LRRC47: variants seen among roughly 807,000 people sequenced by gnomAD.
LRRC47 encodes the protein leucine-rich repeat-containing protein 47.
Under a neutral mutation model 40.9 loss-of-function variants are expected in LRRC47, and 31 were observed. The ratio of observed to expected loss-of-function variants is 0.76; its 90% confidence interval spans 0.57 to 1.02. The LOEUF (loss-of-function observed/expected upper bound fraction) is 1.02, where lower values mean the gene tolerates loss of function less well. Ranked by LOEUF, LRRC47 falls within the 50% of genes least tolerant of loss-of-function variation. LRRC47 has a pLI of 0.00. For missense variants in LRRC47, 726 were observed against 796.1 expected, an observed-to-expected ratio of 0.91 and a Z score of 1.06; for synonymous variants, 427 against 371.9, an observed-to-expected ratio of 1.15 and a Z score of -1.70.
chr1:3,784,813 T>C (rs920419109), intron 3 of LRRC47, among the ~76,000 whole-genome samples: 8 of 152,174 alleles, frequency 5.3e-5, no homozygotes, highest in Non-Finnish European at 1.0e-4. Context: ...CTGACCAACA[T>C]GGAGAAACCT....
In LRRC47 at chr1:3,781,056, G is replaced by A. The variant is rs201858517; in HGVS notation, c.*32C>T. On this transcript the variant is annotated 3_prime_UTR_variant, in exon 7 of 7. Transcript: ENST00000378251. ...GCCGCATAGAAACCTCCGCAAAACC[G>A]GCCAAACAAACGCGGACAGGCGGCC... The A allele has an allele frequency of 2.2e-4, 358 of 1,598,218 alleles. 1 individual carries two copies. Among genetic ancestry groups the A allele is most frequent in the Non-Finnish European group, 2.9e-4 (338 of 1,169,184 alleles).
intron 1 of LRRC47, among the ~76,000 whole-genome samples, chr1:3,791,247 C>T (rs557402666): frequency 6.6e-6 from 1 of 152,208 alleles, no homozygotes; most frequent in East Asian, 1.9e-4. Context: ...AGCGCAGAGC[C>T]GCTGCTGCTT....
chr1:3,781,072 A>G lies in LRRC47; in HGVS notation c.*16T>C. ...CGCAAAACCGGCCAAACAAACGCGG[A>G]CAGGCGGCCCTGGCGTCAGCGCACG... On this transcript the variant is annotated 3_prime_UTR_variant, in exon 7 of 7. Coordinates refer to ENST00000378251, the MANE Select transcript of LRRC47 (RefSeq NM_020710.3). 3 of 1,604,356 alleles carry G rather than the reference A, an allele frequency of 1.9e-6. No individual in the cohort carries two copies. Among genetic ancestry groups the G allele is most frequent in the Non-Finnish European group, 2.6e-6 (3 of 1,172,868 alleles).
intron 1 of LRRC47, among the ~76,000 whole-genome samples, chr1:3,787,536 G>A (rs377604250): frequency 3.3e-5 from 5 of 152,208 alleles, no homozygotes; most frequent in East Asian, 3.9e-4. Flanking sequence ...AGGAGAAGGC[G>A]TCAGCCACGG....
intron 1 of LRRC47, among the ~76,000 whole-genome samples, chr1:3,789,707 G>C (rs1375695004): frequency 6.6e-6 from 1 of 152,264 alleles, no homozygotes; most frequent in African/African-American, 2.4e-5. Flanking sequence ...AGCGGGGGAA[G>C]GAGAGCAAGA....
In LRRC47 at chr1:3,795,971, G is replaced by A; in HGVS notation, c.506C>T (p.Pro169Leu). 1 of 1,584,884 alleles carries A rather than the reference G, an allele frequency of 6.3e-7. No homozygotes were observed. Among genetic ancestry groups the A allele is most frequent in the Non-Finnish European group, 8.6e-7 (1 of 1,167,678 alleles). The change falls in exon 1 of 7, where the codon CCC (proline) becomes CTC (leucine). Residue 169 changes from proline to leucine, a missense_variant. Physicochemically the swap from Pro to Leu is moderately conservative, Grantham distance 98. Coordinates refer to ENST00000378251, the MANE Select transcript of LRRC47 (RefSeq NM_020710.3). Reference protein sequence around the residue: ...NLTGNCLDSFPAELFRPGALP... With the variant: ...NLTGNCLDSFLAELFRPGALP... ...CGCGCCGGGGCGAAAGAGCTCGGCG[G>A]GAAAGGAGTCTAGGCAATTGCCGGT...
chr1:3,786,968 G>A lies in LRRC47; in HGVS notation c.958C>T (p.Pro320Ser), dbSNP rs117206686. Residue 320 changes from proline (P) to serine (S), a missense_variant, in exon 2 of 7, where the codon CCT becomes TCT. By Grantham distance (74) the Pro-to-Ser change is moderately conservative. Coordinates refer to ENST00000378251, the MANE Select transcript of LRRC47 (RefSeq NM_020710.3). ...TCGGGGCTCACTCTGACTGTCAGAG[G>A]TACGGGGTTTTCAGAGACGTGCAGG... ...RVLHVSENPV[P>S]LTVRVSPEVR... 3 of 1,611,322 alleles carry A rather than the reference G, an allele frequency of 1.9e-6. No homozygotes were observed. The East Asian group carries it at 6.7e-5, about 36-fold the overall frequency.
chr1:3,794,406 C>G (rs960786895), intron 1 of LRRC47, among the ~76,000 whole-genome samples: 1 of 151,978 alleles, frequency 6.6e-6, no homozygotes, highest in African/African-American at 2.4e-5. Flanking sequence ...TCTGTTCAGG[C>G]TGGTATCACA....
At chr1:3,794,261 TTCTC>T (rs1231068951) in intron 1 of LRRC47, among the ~76,000 whole-genome samples, 1 of 152,142 alleles carries the variant, frequency 6.6e-6, no homozygotes, top group Middle Eastern at 3.2e-3. Flanking sequence ...GTGTAAAACT[TTCTC>T]TATTGCAACC....
chr1:3,788,552 G>T (rs940358254), intron 1 of LRRC47, among the ~76,000 whole-genome samples: 3 of 152,138 alleles, frequency 2.0e-5, no homozygotes, highest in Non-Finnish European at 4.4e-5. Flanking sequence ...CTCCTGCTTC[G>T]CCTGGAATGG....
chr1:3,782,781 C>T lies in LRRC47; in HGVS notation c.1311-18G>A, dbSNP rs1448340911. 3.6e-6 allele frequency: 5 copies of T among 1,399,146 alleles called. No individual in the cohort carries two copies. The highest frequency in any genetic ancestry group is 5.1e-6 in the Non-Finnish European group (5 of 983,898). 86.7% of individuals were successfully genotyped at this position (1,399,146 alleles called of 1,614,324 possible). On this transcript the variant is annotated intron_variant, in intron 4 of 6. Coordinates refer to ENST00000378251, the MANE Select transcript of LRRC47 (RefSeq NM_020710.3). ...GAAGGTATCTGTATGGGAAGAAATA[C>T]AAATTCCAGGCATAATTATAAAAGA...
At chr1:3,788,867 CAGTCTAAG>C (rs1220475457) in intron 1 of LRRC47, among the ~76,000 whole-genome samples, 2 of 152,174 alleles carry the variant, frequency 1.3e-5, no homozygotes, top group African/African-American at 2.4e-5. Flanking sequence ...GAGAATGGGG[CAGTCTAAG>C]CAGCAGTGAC....
At chr1:3,787,373 C>T (rs946576475) in intron 1 of LRRC47, 63 bp from the exon 2 acceptor site, 2 of 1,481,350 alleles carry the variant, frequency 1.4e-6, no homozygotes, top group African/African-American at 2.8e-5. Context: ...CAAGGTCATG[C>T]TCGAGAGGCA....
In LRRC47 at chr1:3,792,173, T is replaced by C. The variant is rs112182443; in HGVS notation, c.615+3689A>G. ...CGAAATTCCAATGTGCGTAGCTACA[T>C]TGCTGGGCATAGTTCTGGTAGCCAT... On this transcript the variant is annotated intron_variant, in intron 1 of 6. Coordinates refer to ENST00000378251, the MANE Select transcript of LRRC47 (RefSeq NM_020710.3). 5.3e-3 allele frequency among the ~76,000 whole-genome samples: 808 copies of C among 152,326 alleles called. 5 individuals are homozygous for C. Among genetic ancestry groups the C allele is most frequent in the African/African-American group, 0.018 (765 of 41,568 alleles).
chr1:3,792,113 C>A (rs1034362097), intron 1 of LRRC47, among the ~76,000 whole-genome samples: 14 of 152,194 alleles, frequency 9.2e-5, no homozygotes, highest in African/African-American at 3.4e-4. Context: ...CCCCACAGCA[C>A]CAGGAAGGAC....
At chr1:3,781,374 A>T (rs765793168) in intron 6 of LRRC47, 38 bp from the exon 7 acceptor site, 2 of 1,600,860 alleles carry the variant, frequency 1.2e-6, no homozygotes, top group South Asian at 2.2e-5. Flanking sequence ...TGGAGATGAG[A>T]GGTGACCCAG....
At chr1:3,785,862 C>G (rs753984517) in intron 2 of LRRC47, among the ~76,000 whole-genome samples, 2 of 151,276 alleles carry the variant, frequency 1.3e-5, no homozygotes, top group Non-Finnish European at 2.9e-5. Flanking sequence ...ATCAAGGAAC[C>G]CTGATTTTCC....
At chr1:3,788,219 G>T (rs1307128992) in intron 1 of LRRC47, among the ~76,000 whole-genome samples, 1 of 152,248 alleles carries the variant, frequency 6.6e-6, no homozygotes, top group Non-Finnish European at 1.5e-5. Context: ...GCTCTTTCCT[G>T]GCTTGGTACC....
Position 3,795,053 on chromosome 1 carries a change from CAAAAAAAAAAAA to C in LRRC47, c.615+797_615+808del, listed in dbSNP as rs35186516. Among the ~76,000 whole-genome samples the C allele has an allele frequency of 1.8e-4, 11 of 61,642 alleles. No individual in the cohort carries two copies. In the East Asian group the frequency reaches 4.6e-3, roughly 26 times the overall value. The allele number at this position is 61,642 out of a possible 152,430, so 40.4% of individuals were successfully genotyped here. The stretch of plus-strand genomic sequence containing the variant: ...TGGGTGACAGGACCAGACTACATCT[CAAAAAAAAAAAA>C]AAAAAAAAGAAATGTCTGCATAAAT... On this transcript the variant is annotated intron_variant, in intron 1 of 6. Transcript: ENST00000378251.
Sources: gnomAD v4.1 joint callset for allele counts (sites outside exome capture counted in the v4.1 genomes callset) on GRCh38, gnomAD v4.1.1 for gene constraint, MANE v1.5 for transcripts, NCBI Gene and HGNC (gene_info 2026-07-23, HGNC 2026-07-21) for gene names.